The following ANO8 variants were observed in gnomAD, a reference collection of about 807,000 sequenced individuals.
The protein encoded by ANO8 is anoctamin 8, also known as anoctamin-8.
A neutral mutation model predicts 120.4 loss-of-function variants in ANO8; 67 were observed. The observed-to-expected ratio is 0.56, with a 90% CI of 0.46 to 0.68. ANO8 has a LOEUF of 0.68. Among genes scored for constraint, ANO8 ranks in the 30% least tolerant of loss-of-function variants. The probability of loss-of-function intolerance (pLI) is 0.00; values close to 1 mark genes in which losing one functional copy is unlikely to be tolerated. For missense variants in ANO8, 1,526 were observed against 1,737.6 expected, an observed-to-expected ratio of 0.88 and a Z score of 2.16; for synonymous variants, 727 against 759.2, an observed-to-expected ratio of 0.96 and a Z score of 0.70.
In ANO8 at chr19:17,333,087, A is replaced by G; in HGVS notation, c.489+14T>C. On this transcript the variant is annotated intron_variant, in intron 4 of 17. Coordinates refer to ENST00000159087, the MANE Select transcript of ANO8 (RefSeq NM_020959.3). The surrounding 1 kb of genome is among the most constrained non-coding windows in gnomAD (Gnocchi z 7.2). ...AGGCACAGGATGCATGCGGGGGCCC[A>G]GAGCCGGCCTCACCTGGGAGGTGAA... is the stretch of plus-strand genomic sequence containing the variant. The G allele has an allele frequency of 6.2e-7, 1 of 1,613,794 alleles. No individual in the cohort carries two copies. Among genetic ancestry groups the G allele is most frequent in the Non-Finnish European group, 8.5e-7 (1 of 1,179,762 alleles).
chr19:17,329,096 C>T, intron 12 of ANO8, 113 bp from the exon 13 acceptor site: 1 of 829,674 alleles, frequency 1.2e-6, no homozygotes, highest in Non-Finnish European at 1.7e-6. Context: ...AGACACACGC[C>T]GAATCCGGTT....
chr19:17,332,866 G>A, intron 5 of ANO8, 64 bp downstream of exon 5: 2 of 1,582,564 alleles, frequency 1.3e-6, no homozygotes, highest in Non-Finnish European at 1.7e-6. Flanking sequence ...GCTCCTATAA[G>A]CTGTCTTTGA....
chr19:17,324,569 A>C, intron 17 of ANO8, 148 bp downstream of exon 17: 1 of 1,335,206 alleles, frequency 7.5e-7, no homozygotes, highest in South Asian at 1.7e-5. Flanking sequence ...TTTAACTGAG[A>C]GGCTCCACGT....
In ANO8 at chr19:17,333,902, A is replaced by G; in HGVS notation, c.107-102T>C. The G allele has an allele frequency of 1.0e-6, 1 of 974,662 alleles. No individual in the cohort carries two copies. The highest frequency in any genetic ancestry group is 1.6e-6 in the Non-Finnish European group (1 of 636,684). 60.4% of individuals were successfully genotyped at this position (974,662 alleles called of 1,614,324 possible). A position where few individuals can be genotyped will look rare whatever the true frequency, so the allele number is the denominator to read the frequency against. On this transcript the variant is annotated intron_variant, in intron 1 of 17. Coordinates refer to ENST00000159087, the MANE Select transcript of ANO8 (RefSeq NM_020959.3). The surrounding 1 kb of genome is among the most constrained non-coding windows in gnomAD (Gnocchi z 7.2). ...CCCCGCCAGGGCTCCTCACCACTCC[A>G]CCTGGCATTCAAGGCCCCGGGAGCT...
intron 5 of ANO8, 128 bp from the exon 6 acceptor site, chr19:17,331,539 G>C: frequency 2.6e-6 from 2 of 777,446 alleles, no homozygotes; most frequent in Non-Finnish European, 4.4e-6. Flanking sequence ...CTTTCCAGGG[G>C]AGAAGTTCTA....
chr19:17,328,252 C>T lies in ANO8; in HGVS notation c.2136G>A (p.Gln712=). The change falls in exon 13 of 18, where the codon CAG becomes CAA. Residue 712 remains glutamine, a synonymous_variant. Transcript: ENST00000159087. ...GCGGGTCAATCCAAGACGACCGGTT[C>T]TGCCGTCTCTGCCTACGGGTCGAAT... ...NSDSTRRQRR[Q]NRSSWIDPPE... is the part of the protein sequence containing the mutation. The T allele has an allele frequency of 2.5e-6, 4 of 1,611,406 alleles. No individual in the cohort carries two copies. The highest frequency in any genetic ancestry group is 3.4e-6 in the Non-Finnish European group (4 of 1,178,920).
rs1387298302 is a variant in ANO8, at chr19:17,329,793, G to T, written c.1368C>A (p.Ile456=). 1.9e-6 allele frequency: 3 copies of T among 1,613,576 alleles called. No homozygotes were observed. Among genetic ancestry groups the T allele is most frequent in the Non-Finnish European group, 2.5e-6 (3 of 1,179,868 alleles). The change falls in exon 12 of 18, where the codon ATC becomes ATA. Residue 456 remains isoleucine, a synonymous_variant. Coordinates refer to ENST00000159087, the MANE Select transcript of ANO8 (RefSeq NM_020959.3). ...GCTCCATGTCCTTGAGGTAGAAACC[G>T]ATGTAGAAGAGGCTCAGGTACGAGT... The part of the protein sequence containing the change: ...FVNSYLSLFY[I]GFYLKDMERL...
chr19:17,334,273 G>A (rs555093828), intron 1 of ANO8, among the ~76,000 whole-genome samples: 1 of 152,200 alleles, frequency 6.6e-6, no homozygotes, highest in Non-Finnish European at 1.5e-5. Context: ...TCGCGGAGAG[G>A]CTCTCTCAAG....
Position 17,323,508 on chromosome 19 carries a change from C to T in ANO8, c.*9G>A. ...TTGCATATGAGAAGAGAAGGCAGGG[C>T]GGGTAGAGCTAATGCCAGCCGCTGG... On this transcript the variant is annotated 3_prime_UTR_variant, in exon 18 of 18. Coordinates refer to ENST00000159087, the MANE Select transcript of ANO8 (RefSeq NM_020959.3). 2 of 1,272,902 alleles carry T rather than the reference C, an allele frequency of 1.6e-6. No individual in the cohort carries two copies. The allele number at this position is 1,272,902 out of a possible 1,614,324, so 78.9% of individuals were successfully genotyped here.
chr19:17,331,207 A>G lies in ANO8; in HGVS notation c.712T>C (p.Cys238Arg), dbSNP rs367733774. The change falls in exon 7 of 18, where the codon TGT becomes CGT. Residue 238 changes from cysteine to arginine, a missense_variant. Coordinates refer to ENST00000159087, the MANE Select transcript of ANO8 (RefSeq NM_020959.3). Reference sequence around the variant, plus strand: ...GCAATTTTCACACCAAAGTAATCACAGATGTCATCTGCCAGGGGACAAGTG... The same window carrying G: ...GCAATTTTCACACCAAAGTAATCACGGATGTCATCTGCCAGGGGACAAGTG... ...VCENQPLDDI[C>R]DYFGVKIAMY... 1.2e-6 allele frequency: 2 copies of G among 1,614,068 alleles called. No homozygotes were observed. The highest frequency in any genetic ancestry group is 2.2e-5 in the East Asian group (1 of 44,892).
In ANO8 at chr19:17,324,985, C is replaced by T. The variant is rs1279560528; in HGVS notation, c.3063G>A (p.Leu1021=). 2.5e-6 allele frequency: 4 copies of T among 1,612,936 alleles called. No homozygotes were observed. Among genetic ancestry groups the T allele is most frequent in the African/African-American group, 2.7e-5 (2 of 74,938 alleles). The change falls in exon 17 of 18, where the codon CTG becomes CTA. Residue 1021 remains leucine (L), a synonymous_variant. Transcript: ENST00000159087. ...GGAACTTGAAGCTGAGGAAGGCAGG[C>T]AGGCGGGTGTCGCTGCCTGTGGGTG... is the stretch of plus-strand genomic sequence containing the variant. ...AQSPTGSDTR[L]PAFLSFKFLK...
chr19:17,328,658 G>A lies in ANO8; in HGVS notation c.1730C>T (p.Pro577Leu), dbSNP rs2074293603. The A allele has an allele frequency of 6.9e-7, 1 of 1,459,376 alleles. No homozygotes were observed. The highest frequency in any genetic ancestry group is 2.7e-5 in the East Asian group (1 of 36,510). 90.4% of individuals were successfully genotyped at this position (1,459,376 alleles called of 1,614,324 possible). A position where few individuals can be genotyped will look rare whatever the true frequency, so the allele number is the denominator to read the frequency against. The change falls in exon 13 of 18, where the codon CCT becomes CTT. Residue 577 changes from proline (P) to leucine (L), a missense_variant. Pro to Leu is a moderately conservative substitution (Grantham distance 98). Coordinates refer to ENST00000159087, the MANE Select transcript of ANO8 (RefSeq NM_020959.3). ...AGEGGEEGDG[P>L]PGGKEEDEDD... Reference sequence around the variant, plus strand: ...CTCGTCCTCCTCCTTGCCCCCTGGAGGCCCGTCCCCCTCCTCCCCGCCTTC... The same window carrying A: ...CTCGTCCTCCTCCTTGCCCCCTGGAAGCCCGTCCCCCTCCTCCCCGCCTTC...
Position 17,333,178 on chromosome 19 carries a change from C to T in ANO8, c.412G>A (p.Gly138Ser). 6.2e-7 allele frequency: 1 copy of T among 1,610,518 alleles called. No individual in the cohort carries two copies. The change falls in exon 4 of 18, where the codon GGC (glycine) becomes AGC (serine). Residue 138 changes from glycine to serine, a missense_variant. By Grantham distance (56) the Gly-to-Ser change is moderately conservative. This residue lies in a region of ANO8 where 322 missense variants were observed against 431.8 expected (regional missense o/e 0.75). Transcript: ENST00000159087. This position sits in a 1 kb window ranked among gnomAD's most constrained non-coding sequence, Gnocchi z 7.2. ...RKAVKAEFGG[G>S]TRGFSCEEDF... ...TCCTCGCAGGAGAAGCCGCGGGTGC[C>T]CCCGCCAAACTCGGCCTTCACTGCT...
At chr19:17,330,545 G>A in intron 8 of ANO8, 41 bp from the exon 9 acceptor site, 2 of 1,475,288 alleles carry the variant, frequency 1.4e-6, no homozygotes, top group Non-Finnish European at 1.8e-6. Context: ...GAGCTCAGAG[G>A]GGCCACCTCT....
chr19:17,327,122 C>T, intron 16 of ANO8, 113 bp downstream of exon 16: 1 of 926,442 alleles, frequency 1.1e-6, no homozygotes, highest in Non-Finnish European at 1.6e-6. Context: ...TTATTATACC[C>T]AGCTCTGTGC....
In ANO8 at chr19:17,332,976, C is replaced by T. The variant is rs773495481; in HGVS notation, c.540G>A (p.Gln180=). ...RFWLQNLRAK[Q]GEALHNVRFL... is the part of the protein sequence containing the mutation. ...AGCGCACGTTGTGGAGTGCTTCTCC[C>T]TGCTTGGCACGCAAATTCTGCAGCC... The change falls in exon 5 of 18, where the codon CAG becomes CAA. Residue 180 remains glutamine (Q), a synonymous_variant. Coordinates refer to ENST00000159087, the MANE Select transcript of ANO8 (RefSeq NM_020959.3). 2 of 1,614,060 alleles carry T rather than the reference C, an allele frequency of 1.2e-6. No homozygotes were observed. The highest frequency in any genetic ancestry group is 1.7e-6 in the Non-Finnish European group (2 of 1,180,054).
intron 5 of ANO8, 57 bp downstream of exon 5, chr19:17,332,873 T>C (rs902341229): frequency 3.1e-6 from 5 of 1,598,246 alleles, no homozygotes; most frequent in African/African-American, 1.3e-5. Context: ...TAAGCTGTCT[T>C]TGAAGAGCTC....
rs1434422983 is a variant in ANO8, at chr19:17,331,649, ATG to A, written c.587-240_587-239del. Among the ~76,000 whole-genome samples, 6 of 129,616 alleles carry A rather than the reference ATG, an allele frequency of 4.6e-5. No individual in the cohort carries two copies. In the South Asian group the frequency reaches 1.1e-3, roughly 23 times the overall value. The allele number at this position is 129,616 out of a possible 152,430, so 85.0% of individuals were successfully genotyped here. On this transcript the variant is annotated intron_variant, in intron 5 of 17. Transcript: ENST00000159087. Reference sequence around the variant, plus strand: ...GAGAGTGGGGTTCTGGTGAGGAACCATGTTTTTTTTTTTTTTTGAGACAGTCT... The same window carrying A: ...GAGAGTGGGGTTCTGGTGAGGAACCATTTTTTTTTTTTTTTGAGACAGTCT...
At chr19:17,332,474 G>A (rs62128106) in intron 5 of ANO8, among the ~76,000 whole-genome samples, 5,063 of 152,232 alleles carry the variant, frequency 0.033, 103 homozygotes, top group South Asian at 0.053. Context: ...CTGTCGGAAG[G>A]TGAACTTGGG....
Sources: allele counts gnomAD v4.1 joint callset (sites outside exome capture counted in the v4.1 genomes callset), GRCh38; gene constraint gnomAD v4.1.1; regional missense constraint gnomAD v4.1.1; non-coding constraint Gnocchi (gnomAD v3.1); transcripts MANE v1.5; gene names NCBI Gene and HGNC (gene_info 2026-07-23, HGNC 2026-07-21).